The following PHF21B variants were observed in gnomAD, a reference collection of about 807,000 sequenced individuals.
PHF21B encodes PHD finger protein 4.
In PHF21B, 22 loss-of-function variants were observed where a neutral mutation model predicts 62.2. The ratio of observed to expected loss-of-function variants is 0.35; its 90% CI spans 0.25 to 0.51. The LOEUF (loss-of-function observed/expected upper bound fraction) is 0.51. Among genes scored for constraint, PHF21B ranks in the 20% least tolerant of loss-of-function variants. PHF21B has a pLI of 0.97. For synonymous variants in PHF21B, 341 were observed against 314.7 expected (o/e 1.08, Z -0.88); for missense variants, 701 against 707.9 (o/e 0.99, Z 0.11).
chr22:44,916,284 T>C lies in PHF21B; in HGVS notation c.560A>G (p.Asn187Ser), dbSNP rs747339727. Residue 187 changes from asparagine to serine, a missense_variant, in exon 4 of 13, where the codon AAC becomes AGC. Transcript: ENST00000313237. ...KVQPLLISAD[N>S]KPPPRLLSSP... ...AGCCTGCTGGTGGGCACTCACCTTG[T>C]TGTCAGCACTGATGAGGAGGGGCTG... 4.4e-6 allele frequency: 7 copies of C among 1,608,246 alleles called. No individual in the cohort carries two copies. The African/African-American group carries it at 5.4e-5, about 12-fold the overall frequency.
intron 2 of PHF21B, among the ~76,000 whole-genome samples, chr22:44,966,788 A>T (rs576075381): frequency 2.2e-4 from 34 of 152,346 alleles, no homozygotes; most frequent in African/African-American, 7.7e-4. Flanking sequence ...AGTGAGGTCC[A>T]GTCCAAGATG....
rs548379474 is a variant in PHF21B at position 44,952,160 on chromosome 22, C to T, written c.121-31670G>A. 2.0e-4 allele frequency among the ~76,000 whole-genome samples: 31 copies of T among 152,184 alleles called. No homozygotes were observed. The South Asian group carries it at 4.2e-3, about 20-fold the overall frequency. ...GAGTTCCAGACTAGCCTGGCCAACA[C>T]GGTGAAACCTCGTCTCTATTAAAAA... is the stretch of plus-strand genomic sequence containing the variant. On this transcript the variant is annotated intron_variant, in intron 2 of 12. Coordinates refer to ENST00000313237, the MANE Select transcript of PHF21B (RefSeq NM_138415.5).
At chr22:44,955,152 G>T (rs987433014) in intron 2 of PHF21B, among the ~76,000 whole-genome samples, 4 of 152,176 alleles carry the variant, frequency 2.6e-5, no homozygotes, top group Non-Finnish European at 5.9e-5. Flanking sequence ...CAGAGTCCTG[G>T]CCTCGGAGGA....
intron 2 of PHF21B, among the ~76,000 whole-genome samples, chr22:44,958,418 G>A (rs938244036): frequency 6.6e-6 from 1 of 152,030 alleles, no homozygotes; most frequent in East Asian, 1.9e-4. Flanking sequence ...TGTGTCCTTC[G>A]ATTAGGAATG....
At chr22:44,937,448 G>T (rs561650576) in intron 2 of PHF21B, among the ~76,000 whole-genome samples, 1 of 152,186 alleles carries the variant, frequency 6.6e-6, no homozygotes, top group African/African-American at 2.4e-5. Context: ...GGGCCATCAC[G>T]GAGTAGCCGG....
chr22:44,926,857 T>A (rs2071642682), intron 2 of PHF21B, among the ~76,000 whole-genome samples: 1 of 152,024 alleles, frequency 6.6e-6, no homozygotes, highest in Non-Finnish European at 1.5e-5. Context: ...GGAGTGACCG[T>A]GTATCTGTGT....
In PHF21B at chr22:44,883,247, G is replaced by C. The variant is rs995230586; in HGVS notation, c.1435C>G (p.Leu479Val). 4.3e-6 allele frequency: 7 copies of C among 1,613,864 alleles called. No homozygotes were observed. Among genetic ancestry groups the C allele is most frequent in the Non-Finnish European group, 5.1e-6 (6 of 1,179,980 alleles). ...LARQRGTQSSLDRLRALLRLI... is the reference protein window; with the variant it reads ...LARQRGTQSSVDRLRALLRLI... Reference sequence around the variant, plus strand: ...CTCAGGAGGGCCCGCAGGCGGTCCAGGGATGACTGGGTGCCCCTCTGGCGG... The same window carrying C: ...CTCAGGAGGGCCCGCAGGCGGTCCACGGATGACTGGGTGCCCCTCTGGCGG... The change falls in exon 13 of 13, where the codon CTG (leucine) becomes GTG (valine). Residue 479 changes from leucine to valine, a missense_variant. By Grantham distance (32) the Leu-to-Val change is conservative. Coordinates refer to ENST00000313237, the MANE Select transcript of PHF21B (RefSeq NM_138415.5).
At chr22:45,005,409 G>C (rs1238002465) in intron 2 of PHF21B, among the ~76,000 whole-genome samples, 2 of 152,190 alleles carry the variant, frequency 1.3e-5, no homozygotes, top group East Asian at 3.9e-4. Flanking sequence ...AAATAGCAAG[G>C]TCCTATGTAA....
chr22:44,925,070 A>T (rs772575281), intron 2 of PHF21B, among the ~76,000 whole-genome samples: 17 of 152,248 alleles, frequency 1.1e-4, no homozygotes, highest in Non-Finnish European at 2.2e-4. Context: ...ATACTGTATG[A>T]TGCTAGTTAT....
intron 6 of PHF21B, among the ~76,000 whole-genome samples, 165 bp from the exon 7 acceptor site, chr22:44,893,698 G>A (rs907229421): frequency 3.3e-5 from 5 of 152,194 alleles, no homozygotes; most frequent in African/African-American, 9.6e-5. Flanking sequence ...GGGCCTCCAG[G>A]AATCACTGAC....
rs948329016 is a variant in PHF21B at position 45,008,893 on chromosome 22, C to T, written c.55-283G>A. 9.4e-6 allele frequency: 11 copies of T among 1,168,580 alleles called. No homozygotes were observed. The Admixed American group carries it at 3.3e-4, about 35-fold the overall frequency. 72.4% of individuals were successfully genotyped at this position (1,168,580 alleles called of 1,614,324 possible). A position where few individuals can be genotyped will look rare whatever the true frequency, so the allele number is the denominator to read the frequency against. On this transcript the variant is annotated intron_variant, in intron 1 of 12. Transcript: ENST00000313237. ...CCGTGCAAGTTTGCAGGCCGGGGTG[C>T]GTGTGCGAGTGAGTGTGAGTGTGAG...
Position 44,996,687 on chromosome 22 carries a change from C to T in PHF21B, c.120+11858G>A, listed in dbSNP as rs28473631. Among the ~76,000 whole-genome samples the T allele has an allele frequency of 2.8e-3, 421 of 152,140 alleles. 2 individuals carry two copies. The highest frequency in any genetic ancestry group is 4.0e-3 in the Non-Finnish European group (272 of 67,988). Reference sequence around the variant, plus strand: ...ACACACAGACACACAAACACACACACGCATACATGCATATACACATGCAGA... The same window carrying T: ...ACACACAGACACACAAACACACACATGCATACATGCATATACACATGCAGA... On this transcript the variant is annotated intron_variant, in intron 2 of 12. Coordinates refer to ENST00000313237, the MANE Select transcript of PHF21B (RefSeq NM_138415.5).
chr22:44,938,904 C>G (rs976055584), intron 2 of PHF21B, among the ~76,000 whole-genome samples: 3 of 152,188 alleles, frequency 2.0e-5, no homozygotes, highest in African/African-American at 4.8e-5. Flanking sequence ...ACTCGTGTCT[C>G]GCTTCTCTGC....
At chr22:44,885,789 C>T (rs2070846438) in intron 11 of PHF21B, 74 bp downstream of exon 11, 1 of 1,457,002 alleles carries the variant, frequency 6.9e-7, no homozygotes, top group East Asian at 2.3e-5. Context: ...CCCACAGGAC[C>T]AGGTGAGCCC....
At chr22:44,955,830 G>A (rs922484316) in intron 2 of PHF21B, among the ~76,000 whole-genome samples, 1 of 152,172 alleles carries the variant, frequency 6.6e-6, no homozygotes, top group African/African-American at 2.4e-5. Flanking sequence ...TATCCCATTG[G>A]TTCTGCTCTC....
chr22:44,886,834 A>G (rs980880440), intron 10 of PHF21B, among the ~76,000 whole-genome samples: 4 of 152,196 alleles, frequency 2.6e-5, no homozygotes, highest in African/African-American at 9.7e-5. Flanking sequence ...GGAACTCCCA[A>G]TGGTTAATAC....
chr22:44,961,202 G>A (rs113732138), intron 2 of PHF21B, among the ~76,000 whole-genome samples: 4 of 152,134 alleles, frequency 2.6e-5, no homozygotes, highest in African/African-American at 9.6e-5. Context: ...TGATCCACCT[G>A]CCTCAGCCTC....
intron 2 of PHF21B, among the ~76,000 whole-genome samples, chr22:44,954,821 TG>T (rs1456802163): frequency 1.3e-5 from 2 of 152,176 alleles, no homozygotes; most frequent in African/African-American, 4.8e-5. Context: ...CTGGCCCCGC[TG>T]GAAGACAGGC....
At chr22:44,990,007 G>A (rs768414744) in intron 2 of PHF21B, among the ~76,000 whole-genome samples, 4 of 152,212 alleles carry the variant, frequency 2.6e-5, no homozygotes, top group Non-Finnish European at 4.4e-5. Flanking sequence ...TAAAGTGCAC[G>A]CCGAAGGGGC....
Sources: allele counts gnomAD v4.1 joint callset (sites outside exome capture counted in the v4.1 genomes callset), GRCh38; gene constraint gnomAD v4.1.1; transcripts MANE v1.5; gene names NCBI Gene and HGNC (gene_info 2026-07-23, HGNC 2026-07-21).